EPB41L5: variants seen among roughly 807,000 people sequenced by gnomAD.
EPB41L5 encodes erythrocyte membrane protein band 4.1 like 5.
Under a neutral mutation model 106.6 loss-of-function variants are expected in EPB41L5, and 55 were observed. The observed-to-expected ratio is 0.52, with a 90% CI of 0.42 to 0.65. The LOEUF (loss-of-function observed/expected upper bound fraction) is 0.65. EPB41L5 is among the 30% of genes least tolerant of loss of function. EPB41L5 has a pLI of 0.00. For synonymous variants in EPB41L5, 297 were observed against 306.7 expected, an observed-to-expected ratio of 0.97 and a Z score of 0.33; for missense variants, 871 against 882.1, an observed-to-expected ratio of 0.99 and a Z score of 0.16.
At chr2:120,013,838 G>A (rs1443249269) in intron 1 of EPB41L5, among the ~76,000 whole-genome samples, 3 of 152,122 alleles carry the variant, frequency 2.0e-5, no homozygotes, top group South Asian at 4.2e-4. Flanking sequence ...TAAAACGTTT[G>A]GCAATATTTT....
At chr2:120,148,953 A>G (rs926877538) in intron 20 of EPB41L5, among the ~76,000 whole-genome samples, 1 of 86,100 alleles carries the variant, frequency 1.2e-5, no homozygotes, top group Non-Finnish European at 3.1e-5. Context: ...GTCTTCCAAA[A>G]TGGCCGTAAC....
intron 2 of EPB41L5, among the ~76,000 whole-genome samples, chr2:120,034,605 A>G (rs1365856220): frequency 6.6e-6 from 1 of 151,982 alleles, no homozygotes; most frequent in African/African-American, 2.4e-5. Context: ...GACCACGCCT[A>G]TAACCCAGCA....
chr2:120,091,652 C>T lies in EPB41L5; in HGVS notation c.1141C>T (p.Gln381Ter), dbSNP rs1182628646. The part of the protein sequence containing the change: ...PSKRYSRRTL[Q>*]MKACATKPEE... ...CAAACGATATTCTAGACGAACTCTA[C>T]AAATGAAAGGTGAAGTGCAACCCTC... is the stretch of plus-strand genomic sequence containing the variant. The change falls in exon 13 of 25, where the codon CAA becomes TAA. Residue 381 changes from glutamine (Q) to a stop codon, truncating the protein, a stop_gained. Transcript: ENST00000263713. LOFTEE classifies it high-confidence loss of function. The T allele has an allele frequency of 6.2e-7, 1 of 1,611,108 alleles. No homozygotes were observed. Among genetic ancestry groups the T allele is most frequent in the East Asian group, 2.2e-5 (1 of 44,792 alleles).
At position 120,041,988 on chromosome 2, in the gene EPB41L5, A is replaced by G; in HGVS notation, c.181-18A>G. The G allele has an allele frequency of 1.9e-6, 3 of 1,575,146 alleles. No individual in the cohort carries two copies. Among genetic ancestry groups the G allele is most frequent in the Non-Finnish European group, 2.6e-6 (3 of 1,146,968 alleles). On this transcript the variant is annotated intron_variant, in intron 2 of 24. Transcript: ENST00000263713. Reference sequence around the variant, plus strand: ...TTATAAACCACTTATTGATTTACTTATTATCTTGCCATTTCAGAAAAAAGC... The same window carrying G: ...TTATAAACCACTTATTGATTTACTTGTTATCTTGCCATTTCAGAAAAAAGC...
chr2:120,167,919 C>CT lies in EPB41L5; in HGVS notation c.2051dup (p.Leu684PhefsTer9). Reference sequence around the variant, plus strand: ...TAATGGACTTGCGGGATGTGAAATGCTTTTGACAGGGAAGGAGGGACATGG... The same window carrying CT: ...TAATGGACTTGCGGGATGTGAAATGCTTTTTGACAGGGAAGGAGGGACATGG... On this transcript the variant is annotated frameshift_variant, in exon 24 of 25. Coordinates refer to ENST00000263713, the MANE Select transcript of EPB41L5 (RefSeq NM_020909.4). LOFTEE classifies it high-confidence loss of function. 1 of 1,614,048 alleles carries CT rather than the reference C, an allele frequency of 6.2e-7. No individual in the cohort carries two copies. Among genetic ancestry groups the CT allele is most frequent in the Non-Finnish European group, 8.5e-7 (1 of 1,179,986 alleles).
intron 12 of EPB41L5, 133 bp from the exon 13 acceptor site, chr2:120,091,422 A>G: frequency 1.6e-6 from 1 of 627,084 alleles, no homozygotes; most frequent in Non-Finnish European, 2.9e-6. Context: ...GATCGAGACT[A>G]TTAGTAGCTG....
intron 18 of EPB41L5, 67 bp from the exon 19 acceptor site, chr2:120,142,936 C>G (rs1558903127): frequency 7.2e-7 from 1 of 1,395,972 alleles, no homozygotes; most frequent in Non-Finnish European, 1.0e-6. Flanking sequence ...TTTCATCAGT[C>G]TATTTCCTAT....
In EPB41L5 at chr2:120,178,253, C is replaced by T. The variant is rs1412162887; in HGVS notation, c.*3346C>T. The T allele has an allele frequency of 6.6e-6, 1 of 152,338 alleles. No homozygotes were observed. The highest frequency in any genetic ancestry group is 1.5e-5 in the Non-Finnish European group (1 of 68,094). 9.4% of individuals were successfully genotyped at this position (152,338 alleles called of 1,614,324 possible). A position where few individuals can be genotyped will look rare whatever the true frequency, so the allele number is the denominator to read the frequency against. ...GTGAAACGGGAGGCTGGCAGGTCCT[C>T]AGATAGGTTCTGCAGTGTTACCTGT... On this transcript the variant is annotated 3_prime_UTR_variant, in exon 25 of 25. Coordinates refer to ENST00000263713, the MANE Select transcript of EPB41L5 (RefSeq NM_020909.4).
At chr2:120,157,768 CA>C (rs200155407) in intron 20 of EPB41L5, among the ~76,000 whole-genome samples, 1,833 of 79,548 alleles carry the variant, frequency 0.023, 20 homozygotes, top group African/African-American at 0.075. Context: ...GACCCTGTCT[CA>C]AAAAAAAAAA....
At chr2:120,166,688 G>A (rs921386085) in intron 22 of EPB41L5, among the ~76,000 whole-genome samples, 8 of 152,186 alleles carry the variant, frequency 5.3e-5, no homozygotes, top group South Asian at 2.1e-4. Flanking sequence ...TGCCCACCTC[G>A]CCCTCTCAAA....
intron 3 of EPB41L5, among the ~76,000 whole-genome samples, chr2:120,058,077 A>G (rs1680780956): frequency 6.6e-6 from 1 of 152,168 alleles, no homozygotes; most frequent in African/African-American, 2.4e-5. Context: ...TGTGCACATT[A>G]AAGATTTTGC....
At chr2:120,136,736 C>T (rs1215423929) in intron 18 of EPB41L5, among the ~76,000 whole-genome samples, 1 of 151,854 alleles carries the variant, frequency 6.6e-6, no homozygotes, top group African/African-American at 2.4e-5. Flanking sequence ...AACTGGAGTA[C>T]CCAGATATGT....
chr2:120,052,570 A>G (rs781554852), intron 3 of EPB41L5, among the ~76,000 whole-genome samples: 10 of 152,150 alleles, frequency 6.6e-5, no homozygotes, highest in Admixed American at 5.9e-4. Context: ...TCAATGGGTT[A>G]TATCTGTTAC....
At chr2:120,145,955 AT>A (rs201441971) in intron 19 of EPB41L5, among the ~76,000 whole-genome samples, 3 of 144,932 alleles carry the variant, frequency 2.1e-5, no homozygotes, top group South Asian at 2.2e-4. Context: ...CAAAAAAAAA[AT>A]AAAAAATGGG....
At chr2:120,052,095 G>T (rs571931890) in intron 3 of EPB41L5, among the ~76,000 whole-genome samples, 4 of 152,306 alleles carry the variant, frequency 2.6e-5, no homozygotes, top group African/African-American at 9.6e-5. Flanking sequence ...AAAGTGCTGG[G>T]ACTACAGGTG....
At chr2:120,024,681 G>A (rs978086467) in intron 2 of EPB41L5, among the ~76,000 whole-genome samples, 6 of 152,040 alleles carry the variant, frequency 3.9e-5, no homozygotes, top group East Asian at 3.9e-4. Context: ...GGATGGTCTC[G>A]GTCTCCTGAC....
chr2:120,140,086 C>T (rs975097171), intron 18 of EPB41L5, among the ~76,000 whole-genome samples: 3 of 152,056 alleles, frequency 2.0e-5, no homozygotes, highest in African/African-American at 7.2e-5. Context: ...GGTATGTTCT[C>T]ATTTATGGGA....
chr2:120,018,982 A>G, intron 1 of EPB41L5, 95 bp from the exon 2 acceptor site: 1 of 1,102,034 alleles, frequency 9.1e-7, no homozygotes, highest in Non-Finnish European at 1.3e-6. Context: ...ACTAATGTTC[A>G]CAGGACTTGA....
intron 24 of EPB41L5, among the ~76,000 whole-genome samples, chr2:120,172,583 TAC>T (rs150156893): frequency 6.6e-6 from 1 of 152,304 alleles, no homozygotes; most frequent in African/African-American, 2.4e-5. Context: ...TTTTTAGACA[TAC>T]AGTTTCCCTA....
Sources: gnomAD v4.1 joint callset for allele counts (sites outside exome capture counted in the v4.1 genomes callset) on GRCh38, gnomAD v4.1.1 for gene constraint, MANE v1.5 for transcripts, NCBI Gene and HGNC (gene_info 2026-07-23, HGNC 2026-07-21) for gene names.